MACF1: variants seen among roughly 807,000 people sequenced by gnomAD.
The protein encoded by MACF1 is microtubule actin crosslinking factor 1.
Under a neutral mutation model 854.8 loss-of-function variants are expected in MACF1, and 193 were observed. The observed-to-expected ratio is 0.23, with a 90% CI of 0.20 to 0.25. MACF1 has a LOEUF of 0.25. Ranked by LOEUF, MACF1 falls within the 10% of genes least tolerant of loss-of-function variation. The pLI is 1.00. For synonymous variants in MACF1, 3,185 were observed against 3,226.7 expected (o/e 0.99, Z 0.44); for missense variants, 7,722 against 8,929.1 (o/e 0.86, Z 5.45).
chr1:39,451,756 T>C (rs1424255666), intron 85 of MACF1, among the ~76,000 whole-genome samples: 1 of 152,232 alleles, frequency 6.6e-6, no homozygotes, highest in African/African-American at 2.4e-5. Flanking sequence ...GTTAGTATAA[T>C]GGTTACCATT....
rs1009596469 is a variant in MACF1, at chr1:39,105,540, C to T, written c.220+21102C>T. 17 of 1,054,196 alleles carry T rather than the reference C, an allele frequency of 1.6e-5. No homozygotes were observed. The highest frequency in any genetic ancestry group is 1.8e-5 in the Non-Finnish European group (16 of 874,408). The allele number at this position is 1,054,196 out of a possible 1,614,324, so 65.3% of individuals were successfully genotyped here. A position where few individuals can be genotyped will look rare whatever the true frequency, so the allele number is the denominator to read the frequency against. On this transcript the variant is annotated intron_variant, in intron 2 of 93. Transcript: ENST00000361689. This position sits in a 1 kb window ranked among gnomAD's most constrained non-coding sequence, Gnocchi z 5.9. ...GCCGTCTCTGAGACGCACAAAGGGT[C>T]GAGGCTGGGGCCGCCGCCGCCTCAG...
rs1487407006 is a variant in MACF1 at position 39,204,995 on chromosome 1, CAAGG to C, written c.-27_-24del. On this transcript the variant is annotated 5_prime_UTR_variant, in exon 1 of 101. Transcript: ENST00000564288. ...GCCTGCGCTGAGCTTGTGGCTAACT[CAAGG>C]GAGGAGAAAGGACGGGCCTGGAAAT... 2.8e-6 allele frequency: 2 copies of C among 702,606 alleles called. No individual in the cohort carries two copies. Among genetic ancestry groups the C allele is most frequent in the Non-Finnish European group, 5.2e-6 (2 of 384,850 alleles). 43.5% of individuals were successfully genotyped at this position (702,606 alleles called of 1,614,324 possible).
At chr1:39,138,212 G>A (rs1007072253) in intron 2 of MACF1, among the ~76,000 whole-genome samples, 12 of 151,424 alleles carry the variant, frequency 7.9e-5, no homozygotes, top group African/African-American at 2.7e-4. Context: ...CAAAAACAAC[G>A]AATCAAAACA....
intron 49 of MACF1, among the ~76,000 whole-genome samples, chr1:39,366,606 G>T (rs1446396456): frequency 6.6e-6 from 1 of 151,788 alleles, no homozygotes; most frequent in Admixed American, 6.6e-5. Context: ...ATTGATTTTT[G>T]TGTGTTAATT....
intron 33 of MACF1, 67 bp from the exon 34 acceptor site, chr1:39,324,126 A>T (rs974020741): frequency 1.6e-5 from 23 of 1,478,236 alleles, no homozygotes; most frequent in Non-Finnish European, 2.1e-5. Context: ...CATTTAAGAA[A>T]ATCTGAAGTC....
chr1:39,402,434 A>G (rs1015552368), intron 58 of MACF1, among the ~76,000 whole-genome samples: 2 of 152,138 alleles, frequency 1.3e-5, no homozygotes, highest in African/African-American at 4.8e-5. Flanking sequence ...AGTGCCTGGG[A>G]TAGTTTAGAG....
rs1646414446 is a variant in MACF1, at chr1:39,316,529, G to C, written c.3588G>C (p.Arg1196=). The change falls in exon 28 of 101, where the codon CGG becomes CGC. Residue 1196 remains arginine (R), a splice_region_variant and synonymous_variant. Coordinates refer to ENST00000564288, the MANE Select transcript of MACF1 (RefSeq NM_001394062.1). ...TGGAGGCCCATTGGTCGACATTACGGGTGAGTTGCTCTGAGTTTCTTAGGA... is the reference window on the plus strand; with the variant it reads ...TGGAGGCCCATTGGTCGACATTACGCGTGAGTTGCTCTGAGTTTCTTAGGA... ...SALEAHWSTL[R]HWLSDVKDKN... The C allele has an allele frequency of 1.9e-6, 3 of 1,611,560 alleles. No individual in the cohort carries two copies. The African/African-American group carries it at 4.0e-5, about 22-fold the overall frequency.
At chr1:39,269,634 C>G (rs1459607164) in intron 6 of MACF1, 1 of 1,289,738 alleles carries the variant, frequency 7.8e-7, no homozygotes, top group African/African-American at 1.5e-5. Context: ...AGATACAGAA[C>G]CTGAAAAGAG....
chr1:39,117,533 G>GGTGTGTGTGCAAGAGGTGTGT lies in MACF1; in HGVS notation c.220+33104_220+33105insCAAGAGGTGTGTGTGTGTGTG, dbSNP rs1553136759. Among the ~76,000 whole-genome samples, 2 of 147,618 alleles carry GGTGTGTGTGCAAGAGGTGTGT rather than the reference G, an allele frequency of 1.4e-5. 1 individual carries two copies. Among genetic ancestry groups the GGTGTGTGTGCAAGAGGTGTGT allele is most frequent in the Non-Finnish European group, 3.0e-5 (2 of 67,156 alleles). On this transcript the variant is annotated intron_variant, in intron 2 of 93. Transcript: ENST00000361689. ...GCAATTTGTCTCTCAACCTGCAAGA[G>GGTGTGTGTGCAAGAGGTGTGT]GTGTGTGTGTGTGTGTGTGTGTGTG...
At chr1:39,400,528 C>T (rs1642437076) in intron 58 of MACF1, among the ~76,000 whole-genome samples, 3 of 150,094 alleles carry the variant, frequency 2.0e-5, no homozygotes, top group East Asian at 2.0e-4. Flanking sequence ...GTTTTTGAGA[C>T]AGGGTCTCAC....
At chr1:39,268,931 A>T (rs1340393457) in intron 6 of MACF1, 2 of 1,287,740 alleles carry the variant, frequency 1.6e-6, no homozygotes, top group Admixed American at 2.3e-5. Flanking sequence ...ACGGAGTGGG[A>T]GGGGTAGAGC....
At chr1:39,380,490 C>G in intron 55 of MACF1, 117 bp downstream of exon 55, 1 of 1,050,810 alleles carries the variant, frequency 9.5e-7, no homozygotes, top group Non-Finnish European at 1.3e-6. Flanking sequence ...TATAAATAAG[C>G]AATTAGGATC....
intron 58 of MACF1, chr1:39,410,679 A>T: frequency 6.2e-7 from 1 of 1,613,802 alleles, no homozygotes; most frequent in Non-Finnish European, 8.5e-7. Flanking sequence ...CCTTCATGCC[A>T]CCCAACTTCC....
intron 1 of MACF1, among the ~76,000 whole-genome samples, chr1:39,209,489 T>G (rs1644491660): frequency 1.3e-5 from 2 of 152,206 alleles, no homozygotes; most frequent in Admixed American, 1.3e-4. Flanking sequence ...TTGTTTTCCT[T>G]ACCTGTAAAG....
At chr1:39,163,340 C>CAAAAAAAAAAAAAAAA (rs11371076) in intron 2 of MACF1, among the ~76,000 whole-genome samples, 2 of 80,354 alleles carry the variant, frequency 2.5e-5, no homozygotes, top group African/African-American at 5.6e-5. Flanking sequence ...AAGACTGTCT[C>CAAAAAAAAAAAAAAAA]AAAAAAAAAA....
intron 2 of MACF1, among the ~76,000 whole-genome samples, chr1:39,089,713 A>C (rs1490527577): frequency 1.2e-5 from 1 of 82,156 alleles, no homozygotes; most frequent in African/African-American, 3.7e-5. Context: ...TCATTCATTC[A>C]TTCAATAAAA....
intron 6 of MACF1, among the ~76,000 whole-genome samples, chr1:39,271,877 G>A (rs757155147): frequency 1.3e-5 from 2 of 152,216 alleles, no homozygotes; most frequent in Non-Finnish European, 2.9e-5. Context: ...ATGAGTCTGT[G>A]AGGAGTCTTA....
At chr1:39,245,251 A>G (rs1041117633) in intron 2 of MACF1, among the ~76,000 whole-genome samples, 23 of 152,128 alleles carry the variant, frequency 1.5e-4, no homozygotes, top group Admixed American at 3.3e-4. Context: ...TGTTGATAAG[A>G]TGACCTCACT....
intron 2 of MACF1, among the ~76,000 whole-genome samples, chr1:39,194,326 C>A: frequency 7.2e-5 from 2 of 27,778 alleles, no homozygotes; most frequent in Non-Finnish European, 1.2e-4. Context: ...AATTTCTTTT[C>A]TTTTCTTTTC....
Sources: allele counts gnomAD v4.1 joint callset (sites outside exome capture counted in the v4.1 genomes callset), GRCh38; gene constraint gnomAD v4.1.1; non-coding constraint Gnocchi (gnomAD v3.1); transcripts MANE v1.5; gene names NCBI Gene and HGNC (gene_info 2026-07-23, HGNC 2026-07-21).